The following ADAMTSL1 variants were observed in gnomAD, a reference collection of about 807,000 sequenced individuals.
The protein encoded by ADAMTSL1 is ADAMTS like 1.
Under a neutral mutation model 201.8 loss-of-function variants are expected in ADAMTSL1, and 126 were observed. The ratio of observed to expected loss-of-function variants is 0.62; its 90% CI spans 0.54 to 0.72. The LOEUF is 0.72. Ranked by LOEUF, ADAMTSL1 falls within the 30% of genes least tolerant of loss-of-function variation. The pLI is 0.00. For missense variants in ADAMTSL1, 2,679 were observed against 2,277.8 expected, an observed-to-expected ratio of 1.18 and a Z score of -3.59; for synonymous variants, 1,121 against 903.4, an observed-to-expected ratio of 1.24 and a Z score of -4.32.
At chr9:18,551,039 A>C (rs1804940521) in intron 3 of ADAMTSL1, among the ~76,000 whole-genome samples, 1 of 151,942 alleles carries the variant, frequency 6.6e-6, no homozygotes, top group Non-Finnish European at 1.5e-5. Context: ...CTGGAGAATA[A>C]AGACAGCCTT....
At chr9:18,364,162 A>T (rs761747258) in intron 2 of ADAMTSL1, among the ~76,000 whole-genome samples, 7 of 152,152 alleles carry the variant, frequency 4.6e-5, no homozygotes, top group Non-Finnish European at 7.4e-5. Flanking sequence ...GACAGTGCCT[A>T]AGAGCCATGG....
At chr9:18,640,984 T>C (rs1827400150) in intron 7 of ADAMTSL1, among the ~76,000 whole-genome samples, 1 of 151,952 alleles carries the variant, frequency 6.6e-6, no homozygotes, top group South Asian at 2.1e-4. Context: ...AGAAGACAAA[T>C]CCATAGCCAC....
chr9:18,063,818 C>A (rs1220021661), intron 1 of ADAMTSL1, among the ~76,000 whole-genome samples: 2 of 152,092 alleles, frequency 1.3e-5, no homozygotes, highest in Non-Finnish European at 2.9e-5. Flanking sequence ...TTTGGCTGTC[C>A]CAAAACACCC....
At chr9:18,038,204 A>G (rs1020121515) in intron 1 of ADAMTSL1, among the ~76,000 whole-genome samples, 3 of 152,140 alleles carry the variant, frequency 2.0e-5, no homozygotes, top group Admixed American at 1.3e-4. Flanking sequence ...AGACTTGCCC[A>G]TGTGAGCCTC....
chr9:17,987,169 C>T (rs117951019), intron 1 of ADAMTSL1, among the ~76,000 whole-genome samples: 1 of 152,178 alleles, frequency 6.6e-6, no homozygotes, highest in Non-Finnish European at 1.5e-5. Flanking sequence ...TAGTGTTTTA[C>T]ATTTAGGAAT....
At chr9:18,183,069 T>C (rs950490828) in intron 2 of ADAMTSL1, among the ~76,000 whole-genome samples, 2 of 152,210 alleles carry the variant, frequency 1.3e-5, no homozygotes, top group South Asian at 4.1e-4. Context: ...GACTTTCTCT[T>C]TCTGCCAAAA....
intron 23 of ADAMTSL1, among the ~76,000 whole-genome samples, chr9:18,840,878 A>G (rs1825672646): frequency 2.0e-5 from 3 of 148,930 alleles, no homozygotes; most frequent in South Asian, 4.4e-4. Flanking sequence ...ATTTTTGTAC[A>G]TTGATTTTGT....
At chr9:18,683,864 C>A (rs1830667716) in intron 12 of ADAMTSL1, among the ~76,000 whole-genome samples, 1 of 152,130 alleles carries the variant, frequency 6.6e-6, no homozygotes, top group Non-Finnish European at 1.5e-5. Context: ...CCATATAATT[C>A]TATGGTGCAT....
At chr9:18,389,175 A>G (rs926859201) in intron 2 of ADAMTSL1, among the ~76,000 whole-genome samples, 6 of 150,048 alleles carry the variant, frequency 4.0e-5, no homozygotes, top group Non-Finnish European at 8.8e-5. Context: ...AATAATCCCA[A>G]TTTCTACCTC....
chr9:18,123,414 T>C (rs910995650), intron 1 of ADAMTSL1, among the ~76,000 whole-genome samples: 9 of 152,316 alleles, frequency 5.9e-5, no homozygotes, highest in South Asian at 4.1e-4. Context: ...TTAGAGGAAA[T>C]ACACTTATTT....
intron 1 of ADAMTSL1, among the ~76,000 whole-genome samples, chr9:17,958,227 C>A (rs1563919154): frequency 6.6e-6 from 1 of 152,128 alleles, no homozygotes; most frequent in Non-Finnish European, 1.5e-5. Context: ...TCACATAAAA[C>A]CTCCTTGAGT....
intron 1 of ADAMTSL1, among the ~76,000 whole-genome samples, chr9:18,078,564 T>G (rs1823331429): frequency 6.6e-6 from 1 of 152,224 alleles, no homozygotes; most frequent in African/African-American, 2.4e-5. Context: ...GCTCAACAGA[T>G]ACACTTGGAA....
intron 15 of ADAMTSL1, among the ~76,000 whole-genome samples, chr9:18,752,311 A>G (rs1819514324): frequency 6.6e-6 from 1 of 152,194 alleles, no homozygotes; most frequent in South Asian, 2.1e-4. Flanking sequence ...CAGTCTGATG[A>G]AAAACATTAA....
intron 2 of ADAMTSL1, among the ~76,000 whole-genome samples, chr9:18,200,879 C>T (rs1587295820): frequency 6.6e-6 from 1 of 151,846 alleles, no homozygotes; most frequent in Admixed American, 6.6e-5. Context: ...TCATGATGAC[C>T]TCTTTCAGTA....
At chr9:17,953,103 A>G (rs753176552) in intron 1 of ADAMTSL1, among the ~76,000 whole-genome samples, 49 of 152,080 alleles carry the variant, frequency 3.2e-4, no homozygotes, top group Non-Finnish European at 6.3e-4. Context: ...ACTGCAAACC[A>G]AAGCTGCCCA....
intron 23 of ADAMTSL1, among the ~76,000 whole-genome samples, chr9:18,879,242 G>A (rs977759322): frequency 6.6e-6 from 1 of 152,124 alleles, no homozygotes; most frequent in Admixed American, 6.5e-5. Flanking sequence ...TATTTCATTC[G>A]AACATAAATG....
chr9:18,280,452 A>ATTGAC (rs1832742043), intron 2 of ADAMTSL1, among the ~76,000 whole-genome samples: 1 of 150,912 alleles, frequency 6.6e-6, no homozygotes, highest in East Asian at 1.9e-4. Flanking sequence ...TGGAGCTTTT[A>ATTGAC]TTGACTGTGA....
intron 2 of ADAMTSL1, among the ~76,000 whole-genome samples, chr9:18,254,095 C>G (rs1173678685): frequency 6.6e-6 from 1 of 152,128 alleles, no homozygotes; most frequent in African/African-American, 2.4e-5. Context: ...CTCCCTAGAT[C>G]TGAATTTTAC....
At chr9:18,453,681 T>G (rs1204042022) in intron 2 of ADAMTSL1, among the ~76,000 whole-genome samples, 2 of 152,196 alleles carry the variant, frequency 1.3e-5, no homozygotes, top group Non-Finnish European at 2.9e-5. Flanking sequence ...TTATCACTCT[T>G]AAATTCCACC....
Sources: gnomAD v4.1 joint callset for allele counts (sites outside exome capture counted in the v4.1 genomes callset) on GRCh38, gnomAD v4.1.1 for gene constraint, MANE v1.5 for transcripts, NCBI Gene and HGNC (gene_info 2026-07-23, HGNC 2026-07-21) for gene names.